CNTNAP2: variants seen among roughly 807,000 people sequenced by gnomAD.
The protein encoded by CNTNAP2 is contactin associated protein 2, also known as contactin-associated protein-like 2.
CNTNAP2 carries 98 observed loss-of-function variants against 155.2 expected under a neutral mutation model. The ratio of observed to expected loss-of-function variants is 0.63; its 90% confidence interval spans 0.54 to 0.75. CNTNAP2 has a LOEUF of 0.75. Among genes scored for constraint, CNTNAP2 ranks in the 30% least tolerant of loss-of-function variants. The pLI is 0.00. For synonymous variants in CNTNAP2, 651 were observed against 631.2 expected (o/e 1.03, Z -0.47); for missense variants, 1,727 against 1,688.1 (o/e 1.02, Z -0.40).
intron 1 of CNTNAP2, among the ~76,000 whole-genome samples, chr7:146,732,732 T>C (rs530295439): frequency 6.1e-4 from 93 of 152,244 alleles, no homozygotes; most frequent in African/African-American, 2.2e-3. Context: ...CAAAATCGGA[T>C]GCTTCAGTTC....
chr7:147,222,811 G>GTT (rs35654327), intron 8 of CNTNAP2, among the ~76,000 whole-genome samples: 83 of 81,882 alleles, frequency 1.0e-3, no homozygotes, highest in East Asian at 1.8e-3. Flanking sequence ...GTTTCTCAGG[G>GTT]TTTTTTTTTT....
In CNTNAP2 at chr7:147,233,163, T is replaced by C. The variant is rs185401879; in HGVS notation, c.1349-66978T>C. Among the ~76,000 whole-genome samples, 32 of 152,124 alleles carry C rather than the reference T, an allele frequency of 2.1e-4. No individual in the cohort carries two copies. In the East Asian group the frequency reaches 6.0e-3, roughly 28 times the overall value. Reference sequence around the variant, plus strand: ...AGATGACTTAAAAGTGAACAGAAAATGGAGAACAAAATAACTCAGGATCCC... The same window carrying C: ...AGATGACTTAAAAGTGAACAGAAAACGGAGAACAAAATAACTCAGGATCCC... On this transcript the variant is annotated intron_variant, in intron 8 of 23. Coordinates refer to ENST00000361727, the MANE Select transcript of CNTNAP2 (RefSeq NM_014141.6).
chr7:146,657,251 T>A (rs1212465397), intron 1 of CNTNAP2, among the ~76,000 whole-genome samples: 1 of 152,192 alleles, frequency 6.6e-6, no homozygotes, highest in Non-Finnish European at 1.5e-5. Flanking sequence ...ATCCTGTTTA[T>A]CATTTACTTG....
At chr7:146,761,111 A>G (rs983125481) in intron 1 of CNTNAP2, among the ~76,000 whole-genome samples, 1 of 152,132 alleles carries the variant, frequency 6.6e-6, no homozygotes, top group African/African-American at 2.4e-5. Flanking sequence ...CACCTTCCAT[A>G]CATCCACTGT....
chr7:146,193,100 C>G (rs781447821), intron 1 of CNTNAP2, among the ~76,000 whole-genome samples: 1 of 152,240 alleles, frequency 6.6e-6, no homozygotes, highest in Non-Finnish European at 1.5e-5. Flanking sequence ...TCTTGGACAG[C>G]TCCACCCCTA....
intron 9 of CNTNAP2, among the ~76,000 whole-genome samples, chr7:147,329,846 T>C (rs1264105310): frequency 6.6e-6 from 1 of 152,162 alleles, no homozygotes; most frequent in African/African-American, 2.4e-5. Flanking sequence ...GACATAGAAA[T>C]GGTCAACCAA....
chr7:146,846,195 A>C (rs911412364), intron 3 of CNTNAP2, among the ~76,000 whole-genome samples: 1 of 152,134 alleles, frequency 6.6e-6, no homozygotes, highest in African/African-American at 2.4e-5. Context: ...TTTTCCCCAA[A>C]AGATGAGTAT....
chr7:147,748,126 G>A (rs1303245762), intron 13 of CNTNAP2, among the ~76,000 whole-genome samples: 2 of 152,188 alleles, frequency 1.3e-5, no homozygotes, highest in Admixed American at 1.3e-4. Flanking sequence ...CAAGGTATGT[G>A]GGAAGGATGG....
intron 21 of CNTNAP2, among the ~76,000 whole-genome samples, chr7:148,328,486 TGTAGA>T (rs1291213138): frequency 9.7e-6 from 1 of 102,726 alleles, no homozygotes; most frequent in African/African-American, 4.5e-5. Context: ...GTTGTCTGTC[TGTAGA>T]TTCCATCTCT....
chr7:146,699,783 CA>C (rs1800844079), intron 1 of CNTNAP2, among the ~76,000 whole-genome samples: 1 of 152,004 alleles, frequency 6.6e-6, no homozygotes, highest in Non-Finnish European at 1.5e-5. Context: ...GCCTGGCCAA[CA>C]CAGCGAAACC....
At chr7:146,730,232 A>G (rs1324941583) in intron 1 of CNTNAP2, among the ~76,000 whole-genome samples, 1 of 151,756 alleles carries the variant, frequency 6.6e-6, no homozygotes, top group Non-Finnish European at 1.5e-5. Context: ...TTGGTGACGA[A>G]CTCAGTTTGC....
intron 17 of CNTNAP2, among the ~76,000 whole-genome samples, chr7:148,154,467 C>A (rs1805363000): frequency 6.6e-6 from 1 of 152,118 alleles, no homozygotes; most frequent in Non-Finnish European, 1.5e-5. Flanking sequence ...CTCTGTATTC[C>A]AAAATTGCAA....
chr7:146,821,760 A>T (rs527635579), intron 2 of CNTNAP2, among the ~76,000 whole-genome samples: 92 of 152,194 alleles, frequency 6.0e-4, no homozygotes, highest in African/African-American at 2.1e-3. Context: ...TGCAAATCAA[A>T]ACCACAATGA....
chr7:147,623,116 A>G (rs1162100002), intron 12 of CNTNAP2, among the ~76,000 whole-genome samples: 2 of 152,066 alleles, frequency 1.3e-5, no homozygotes, highest in African/African-American at 4.8e-5. Flanking sequence ...GATCGAAGCT[A>G]TAATAAGAAC....
chr7:146,460,272 T>C (rs74715362), intron 1 of CNTNAP2, among the ~76,000 whole-genome samples: 1,930 of 152,310 alleles, frequency 0.013, 26 homozygotes, highest in Middle Eastern at 0.065. Context: ...TATTAATTCT[T>C]ATTAAGTGTT....
Position 146,330,459 on chromosome 7 carries a change from T to C in CNTNAP2, c.97+213486T>C, listed in dbSNP as rs562827685. Among the ~76,000 whole-genome samples the C allele has an allele frequency of 1.6e-4, 24 of 152,250 alleles. 3 individuals carry two copies. The East Asian group carries it at 4.4e-3, about 28-fold the overall frequency. The stretch of plus-strand genomic sequence containing the variant: ...AAACCTGTTCTCACAGAGCACACAA[T>C]CAATTGTATGTATAAAAATTACTAA... On this transcript the variant is annotated intron_variant, in intron 1 of 23. Coordinates refer to ENST00000361727, the MANE Select transcript of CNTNAP2 (RefSeq NM_014141.6).
chr7:148,168,050 AG>A (rs1805703874), intron 17 of CNTNAP2, among the ~76,000 whole-genome samples: 2 of 152,190 alleles, frequency 1.3e-5, no homozygotes, highest in African/African-American at 2.4e-5. Context: ...ATCATTAAAA[AG>A]TCAGGAAACA....
chr7:147,208,816 A>G (rs960471512), intron 8 of CNTNAP2, among the ~76,000 whole-genome samples: 1 of 152,004 alleles, frequency 6.6e-6, no homozygotes, highest in African/African-American at 2.4e-5. Context: ...GAAAAATAAT[A>G]GTCATATTCT....
At chr7:146,846,692 T>G (rs543032590) in intron 3 of CNTNAP2, among the ~76,000 whole-genome samples, 1 of 152,318 alleles carries the variant, frequency 6.6e-6, no homozygotes, top group East Asian at 1.9e-4. Flanking sequence ...ATAGAACTGT[T>G]CTAACAAATA....
Sources: gnomAD v4.1 joint callset for allele counts (sites outside exome capture counted in the v4.1 genomes callset) on GRCh38, gnomAD v4.1.1 for gene constraint, MANE v1.5 for transcripts, NCBI Gene and HGNC (gene_info 2026-07-23, HGNC 2026-07-21) for gene names.